FARP2: variants seen among roughly 807,000 people sequenced by gnomAD.
FARP2 encodes FERM, ARH/RhoGEF and pleckstrin domain protein 2, also known as FERM, ARHGEF and pleckstrin domain-containing protein 2.
A neutral mutation model predicts 130.5 loss-of-function variants in FARP2; 111 were observed. That is an observed-to-expected ratio of 0.85 (90% CI 0.73 to 1.00). The LOEUF is 1.00. Ranked by LOEUF, FARP2 falls within the 50% of genes least tolerant of loss-of-function variation. The pLI is 0.00. For synonymous variants in FARP2, 504 were observed against 516.9 expected (o/e 0.98, Z 0.34); for missense variants, 1,385 against 1,346.3 (o/e 1.03, Z -0.45).
At chr2:241,493,629 C>G in intron 26 of FARP2, 185 bp downstream of exon 26, 1 of 598,318 alleles carries the variant, frequency 1.7e-6, no homozygotes, top group South Asian at 2.0e-5. Context: ...GCGTCTCCCT[C>G]TGTCACTCAG....
At chr2:241,414,087 T>C (rs867662516) in intron 7 of FARP2, among the ~76,000 whole-genome samples, 2 of 152,102 alleles carry the variant, frequency 1.3e-5, no homozygotes, top group Admixed American at 6.6e-5. Flanking sequence ...GGGAAGACAC[T>C]GTGCTGTGGT....
chr2:241,464,558 C>G (rs915954149), intron 17 of FARP2, among the ~76,000 whole-genome samples: 5 of 152,064 alleles, frequency 3.3e-5, no homozygotes, highest in Non-Finnish European at 5.9e-5. Flanking sequence ...AAAGCAGGGT[C>G]CCTCCAGAGC....
rs528942446 is a variant in FARP2, at chr2:241,465,804, A to G, written c.1893+1824A>G. 92 of 1,548,404 alleles carry G rather than the reference A, an allele frequency of 5.9e-5. 1 individual carries two copies. The South Asian group carries it at 1.0e-3, about 17-fold the overall frequency. Reference sequence around the variant, plus strand: ...CCCTCGCCTGTCCCACCTTCTACCCAATCCTGCGAGACTCTGGCCACTCCT... The same window carrying G: ...CCCTCGCCTGTCCCACCTTCTACCCGATCCTGCGAGACTCTGGCCACTCCT... On this transcript the variant is annotated intron_variant, in intron 17 of 26. Transcript: ENST00000264042.
intron 5 of FARP2, among the ~76,000 whole-genome samples, chr2:241,407,817 T>G (rs2062402561): frequency 6.6e-6 from 1 of 152,232 alleles, no homozygotes; most frequent in Non-Finnish European, 1.5e-5. Context: ...GTGTAAGGTT[T>G]ACAGTACAAA....
intron 13 of FARP2, 88 bp downstream of exon 13, chr2:241,441,644 G>T: frequency 1.9e-6 from 3 of 1,565,460 alleles, no homozygotes; most frequent in Non-Finnish European, 2.6e-6. Flanking sequence ...GACACAGGGA[G>T]GGCCGGTAGG....
Position 241,494,095 on chromosome 2 carries a change from G to T in FARP2, c.3135G>T (p.Leu1045=). ...ATGGCCCCCAACCCTCCTCAGGGCT[G>T]GAGGGGATGGTCAGGGGGAAGGAGG... ...VQDGPQPSSG[L]EGMVRGKEE Residue 1045 remains leucine (L), a synonymous_variant, in exon 27 of 27, where the codon CTG becomes CTT. Coordinates refer to ENST00000264042, the MANE Select transcript of FARP2 (RefSeq NM_014808.4). The surrounding 1 kb of genome is among the most constrained non-coding windows in gnomAD (Gnocchi z 4.9). The T allele has an allele frequency of 6.8e-7, 1 of 1,472,254 alleles. No individual in the cohort carries two copies. The highest frequency in any genetic ancestry group is 1.5e-5 in the South Asian group (1 of 64,606). The allele number at this position is 1,472,254 out of a possible 1,614,324, so 91.2% of individuals were successfully genotyped here. A position where few individuals can be genotyped will look rare whatever the true frequency, so the allele number is the denominator to read the frequency against.
chr2:241,444,729 C>G (rs1372796734), intron 13 of FARP2: 1 of 152,130 alleles, frequency 6.6e-6, no homozygotes. Flanking sequence ...TAAAATAGAT[C>G]TTGCTGTTTT....
At chr2:241,456,602 G>A (rs895046005) in intron 13 of FARP2, 145 bp from the exon 14 acceptor site, 6 of 706,874 alleles carry the variant, frequency 8.5e-6, no homozygotes, top group African/African-American at 1.8e-5. Flanking sequence ...GTGTGTGATA[G>A]AGGCTGTACA....
rs1387482054 is a variant in FARP2 at position 241,397,768 on chromosome 2, G to A, written c.184-6060G>A. On this transcript the variant is annotated intron_variant, in intron 2 of 26. Coordinates refer to ENST00000264042, the MANE Select transcript of FARP2 (RefSeq NM_014808.4). Reference sequence around the variant, plus strand: ...ACAGCTCAGAGACTTTTGTAGAGAGGATTATTATAAAATGTGAAAGATCAA... The same window carrying A: ...ACAGCTCAGAGACTTTTGTAGAGAGAATTATTATAAAATGTGAAAGATCAA... Among the ~76,000 whole-genome samples, 3 of 151,766 alleles carry A rather than the reference G, an allele frequency of 2.0e-5. No individual in the cohort carries two copies. The South Asian group carries it at 6.2e-4, about 32-fold the overall frequency.
In FARP2 at chr2:241,372,929, T is replaced by C. The variant is rs571818483; in HGVS notation, c.-24-155T>C. The C allele has an allele frequency of 2.3e-4, 92 of 392,490 alleles. 1 individual carries two copies. The highest frequency in any genetic ancestry group is 8.3e-5 in the African/African-American group (4 of 48,180). 24.3% of individuals were successfully genotyped at this position (392,490 alleles called of 1,614,324 possible). ...TGAGTGCCTGAGTAGAAAATAATCT[T>C]TTGTAACACTTTCTTTTGACGTGAT... On this transcript the variant is annotated intron_variant, in intron 1 of 26. Coordinates refer to ENST00000264042, the MANE Select transcript of FARP2 (RefSeq NM_014808.4).
At chr2:241,385,859 C>T (rs2061771748) in intron 2 of FARP2, among the ~76,000 whole-genome samples, 1 of 152,124 alleles carries the variant, frequency 6.6e-6, no homozygotes, top group Non-Finnish European at 1.5e-5. Context: ...ATACACACAC[C>T]CCATCTATAT....
At chr2:241,468,032 G>C (rs973702380) in intron 17 of FARP2, 108 bp from the exon 18 acceptor site, 7 of 801,286 alleles carry the variant, frequency 8.7e-6, no homozygotes, top group Non-Finnish European at 1.5e-5. Flanking sequence ...TGGTCCATTT[G>C]CCCTGTGGGG....
chr2:241,493,885 C>T lies in FARP2; in HGVS notation c.3048-123C>T, dbSNP rs564274819. On this transcript the variant is annotated intron_variant, in intron 26 of 26. Coordinates refer to ENST00000264042, the MANE Select transcript of FARP2 (RefSeq NM_014808.4). ...GTGCTGGGATTATAGGCATGAGCCA[C>T]CGCACCCGGCCCCAGGTTTTTAACC... 7 of 602,032 alleles carry T rather than the reference C, an allele frequency of 1.2e-5. No homozygotes were observed. In the East Asian group the frequency reaches 1.2e-4, roughly 10 times the overall value. The allele number at this position is 602,032 out of a possible 1,614,324, so 37.3% of individuals were successfully genotyped here.
intron 1 of FARP2, among the ~76,000 whole-genome samples, chr2:241,361,883 A>T (rs972469108): frequency 9.9e-5 from 15 of 151,154 alleles, no homozygotes; most frequent in South Asian, 2.1e-4. Context: ...TATTATTATT[A>T]TTTTTATTTT....
At chr2:241,469,110 GA>G (rs748718675) in intron 18 of FARP2, among the ~76,000 whole-genome samples, 1 of 151,476 alleles carries the variant, frequency 6.6e-6, no homozygotes, top group African/African-American at 2.4e-5. Flanking sequence ...TTTTGAGACG[GA>G]GTTTCATTCT....
intron 14 of FARP2, among the ~76,000 whole-genome samples, chr2:241,461,585 T>C (rs765061368): frequency 6.7e-4 from 102 of 152,226 alleles, no homozygotes; most frequent in Non-Finnish European, 1.2e-3. Context: ...CTCTGCGTTA[T>C]GTCTTGTACA....
At chr2:241,406,909 G>A (rs1488057798) in intron 4 of FARP2, among the ~76,000 whole-genome samples, 1 of 152,248 alleles carries the variant, frequency 6.6e-6, no homozygotes, top group South Asian at 2.1e-4. Flanking sequence ...CCGGGTTCAC[G>A]CCATTGTCCT....
At chr2:241,491,788 C>A in intron 24 of FARP2, 109 bp downstream of exon 24, 1 of 1,088,444 alleles carries the variant, frequency 9.2e-7, no homozygotes, top group Non-Finnish European at 1.3e-6. Flanking sequence ...CAGGCTTGGC[C>A]CCAGAGGACT....
intron 8 of FARP2, among the ~76,000 whole-genome samples, chr2:241,428,625 A>AT (rs755725047): frequency 8.2e-4 from 120 of 146,818 alleles, no homozygotes; most frequent in South Asian, 2.4e-3. Flanking sequence ...CTAACTCAGG[A>AT]TTTTTTTTTT....
Sources: gnomAD v4.1 joint callset for allele counts (sites outside exome capture counted in the v4.1 genomes callset) on GRCh38, gnomAD v4.1.1 for gene constraint, Gnocchi (gnomAD v3.1) non-coding constraint, MANE v1.5 for transcripts, NCBI Gene and HGNC (gene_info 2026-07-23, HGNC 2026-07-21) for gene names.